Variants in KAT6B observed in about 807,000 individuals in gnomAD.
KAT6B encodes the protein histone acetyltransferase KAT6B.
KAT6B carries 10 observed loss-of-function variants against 187.5 expected under a neutral mutation model. That is an observed-to-expected ratio of 0.05 (90% CI 0.03 to 0.09). The LOEUF is 0.09. Ranked by LOEUF, KAT6B falls within the 10% of genes least tolerant of loss-of-function variation. The pLI is 1.00. For synonymous variants in KAT6B, 861 were observed against 926.8 expected, an observed-to-expected ratio of 0.93 and a Z score of 1.29; for missense variants, 1,952 against 2,558.9, an observed-to-expected ratio of 0.76 and a Z score of 5.12.
chr10:75,019,946 T>C (rs928986504), intron 13 of KAT6B, among the ~76,000 whole-genome samples: 4 of 152,156 alleles, frequency 2.6e-5, no homozygotes, highest in South Asian at 2.1e-4. Flanking sequence ...TGGGATTGGA[T>C]TGTAAATTAA....
intron 3 of KAT6B, among the ~76,000 whole-genome samples, chr10:74,864,316 T>C (rs1843400076): frequency 6.6e-6 from 1 of 152,152 alleles, no homozygotes; most frequent in South Asian, 2.1e-4. Flanking sequence ...CTCGGCTCAC[T>C]GCAACGCTCC....
intron 2 of KAT6B, among the ~76,000 whole-genome samples, chr10:74,840,440 T>G (rs1400562132): frequency 6.6e-6 from 1 of 152,178 alleles, no homozygotes; most frequent in Non-Finnish European, 1.5e-5. Context: ...AGAATTGTCT[T>G]GGGATCCTTC....
intron 1 of KAT6B, among the ~76,000 whole-genome samples, chr10:74,830,396 C>T (rs566353188): frequency 6.6e-6 from 1 of 152,188 alleles, no homozygotes; most frequent in Non-Finnish European, 1.5e-5. Context: ...CTAAGGTATA[C>T]ACCTAGGAAT....
At chr10:74,863,740 G>A (rs1419205535) in intron 3 of KAT6B, among the ~76,000 whole-genome samples, 1 of 152,222 alleles carries the variant, frequency 6.6e-6, no homozygotes, top group Non-Finnish European at 1.5e-5. Flanking sequence ...CTAAATAACA[G>A]TGTTGTGGTT....
chr10:74,875,298 A>G (rs1231479305), intron 3 of KAT6B, among the ~76,000 whole-genome samples: 2 of 152,152 alleles, frequency 1.3e-5, no homozygotes, highest in Non-Finnish European at 2.9e-5. Flanking sequence ...AATAATAGCA[A>G]TCCTGGCTGT....
chr10:74,951,490 C>T (rs1279762060), intron 3 of KAT6B, among the ~76,000 whole-genome samples: 3 of 151,498 alleles, frequency 2.0e-5, no homozygotes, highest in Admixed American at 2.0e-4. Context: ...AAAGAAATAG[C>T]GGGACTGGGG....
At chr10:74,903,617 C>T (rs1846551848) in intron 3 of KAT6B, among the ~76,000 whole-genome samples, 1 of 152,132 alleles carries the variant, frequency 6.6e-6, no homozygotes, top group Non-Finnish European at 1.5e-5. Context: ...CCTAAGAGCT[C>T]ATGGATAAGA....
chr10:74,902,582 AT>A (rs540515655), intron 3 of KAT6B, among the ~76,000 whole-genome samples: 9 of 151,940 alleles, frequency 5.9e-5, no homozygotes, highest in Non-Finnish European at 8.8e-5. Flanking sequence ...ATTTCCTCTG[AT>A]TTTTTTTGCT....
At chr10:75,014,203 A>C (rs1025689704) in intron 13 of KAT6B, among the ~76,000 whole-genome samples, 1 of 152,176 alleles carries the variant, frequency 6.6e-6, no homozygotes, top group African/African-American at 2.4e-5. Flanking sequence ...AGCTGGGTGC[A>C]GTGGCTCACG....
At chr10:74,905,184 C>T (rs189777818) in intron 3 of KAT6B, among the ~76,000 whole-genome samples, 120 of 152,204 alleles carry the variant, frequency 7.9e-4, no homozygotes, top group Middle Eastern at 3.4e-3. Context: ...CACAGATGTC[C>T]TTGCCCATTA....
In KAT6B at chr10:75,020,824, G is replaced by A; in HGVS notation, c.2861+11G>A. ...CAAGAGAGATGGCAGGTGAGTCCTG[G>A]GACCCTGGGCAGCTCCGTGGCTCAG... On this transcript the variant is annotated intron_variant, in intron 14 of 17. Transcript: ENST00000287239. The A allele has an allele frequency of 6.2e-7, 1 of 1,611,880 alleles. No homozygotes were observed. The highest frequency in any genetic ancestry group is 8.5e-7 in the Non-Finnish European group (1 of 1,178,784).
intron 4 of KAT6B, among the ~76,000 whole-genome samples, chr10:74,963,241 T>C (rs1170067965): frequency 6.6e-6 from 1 of 152,236 alleles, no homozygotes; most frequent in Admixed American, 6.5e-5. Context: ...TTAACACTGT[T>C]ATATTCTCTT....
At chr10:74,925,055 T>C (rs898843474) in intron 3 of KAT6B, among the ~76,000 whole-genome samples, 9 of 152,192 alleles carry the variant, frequency 5.9e-5, no homozygotes, top group African/African-American at 2.2e-4. Flanking sequence ...TTTATTTATT[T>C]TTTATTTTTT....
intron 3 of KAT6B, among the ~76,000 whole-genome samples, chr10:74,913,363 G>A (rs970465706): frequency 6.6e-6 from 1 of 151,990 alleles, no homozygotes; most frequent in South Asian, 2.1e-4. Flanking sequence ...TATAAATTAG[G>A]CACAGGAAGA....
chr10:74,906,365 A>T (rs1846758682), intron 3 of KAT6B, among the ~76,000 whole-genome samples: 1 of 151,794 alleles, frequency 6.6e-6, no homozygotes, highest in Non-Finnish European at 1.5e-5. Flanking sequence ...GTGCCACTGC[A>T]CTCCAGCCTG....
Position 74,976,247 on chromosome 10 carries a change from A to G in KAT6B, c.1910A>G (p.Tyr637Cys), listed in dbSNP as rs753892062. ...CACAGGATGCTAGGCAGATTAAAAT[A>G]TAAAGTGACCCCTCAGATGGGGACC... ...KKHRMLGRLK[Y>C]KVTPQMGTPS... The change falls in exon 8 of 18, where the codon TAT (tyrosine) becomes TGT (cysteine). Residue 637 changes from tyrosine to cysteine, a missense_variant. By Grantham distance (194) the Tyr-to-Cys change is radical. Coordinates refer to ENST00000287239, the MANE Select transcript of KAT6B (RefSeq NM_012330.4). 6.2e-7 allele frequency: 1 copy of G among 1,614,170 alleles called. No homozygotes were observed. The highest frequency in any genetic ancestry group is 1.1e-5 in the South Asian group (1 of 91,084).
Position 75,020,667 on chromosome 10 carries a change from T to C in KAT6B, c.2715T>C (p.Tyr905=), listed in dbSNP as rs370139991. ...SDLGRLSYLA[Y]WKSVILEYLY... ...TGGGCCGTCTCTCCTACCTGGCATATTGGAAGAGCGTCATCTTGGAGTATC... is the reference window on the plus strand; with the variant it reads ...TGGGCCGTCTCTCCTACCTGGCATACTGGAAGAGCGTCATCTTGGAGTATC... The change falls in exon 14 of 18, where the codon TAT becomes TAC. Residue 905 remains tyrosine (Y), a synonymous_variant. Transcript: ENST00000287239. 1 of 1,614,098 alleles carries C rather than the reference T, an allele frequency of 6.2e-7. No homozygotes were observed. The highest frequency in any genetic ancestry group is 1.3e-5 in the African/African-American group (1 of 74,932).
chr10:75,006,018 G>A (rs988524838), intron 13 of KAT6B, among the ~76,000 whole-genome samples: 7 of 152,170 alleles, frequency 4.6e-5, no homozygotes, highest in Admixed American at 3.9e-4. Context: ...AATACAGGCG[G>A]ACGTCAGTCT....
At position 74,842,980 on chromosome 10, in the gene KAT6B, G is replaced by A; in HGVS notation, c.123G>A (p.Gly41=). Residue 41 remains glycine (G), a synonymous_variant, in exon 3 of 18, where the codon GGG becomes GGA. Coordinates refer to ENST00000287239, the MANE Select transcript of KAT6B (RefSeq NM_012330.4). ...RICHAVSTSH[G]LDKKTVSEQL... ...GCCATGCGGTCAGTACTTCCCATGGGTTGGATAAGAAGACAGTCTCTGAAC... is the reference window on the plus strand; with the variant it reads ...GCCATGCGGTCAGTACTTCCCATGGATTGGATAAGAAGACAGTCTCTGAAC... The A allele has an allele frequency of 6.2e-7, 1 of 1,614,172 alleles. No homozygotes were observed. The highest frequency in any genetic ancestry group is 8.5e-7 in the Non-Finnish European group (1 of 1,180,028).
Sources: gnomAD v4.1 joint callset for allele counts (sites outside exome capture counted in the v4.1 genomes callset) on GRCh38, gnomAD v4.1.1 for gene constraint, MANE v1.5 for transcripts, NCBI Gene and HGNC (gene_info 2026-07-23, HGNC 2026-07-21) for gene names.